Variants in ALAD observed in about 807,000 individuals in gnomAD.
ALAD encodes the protein aminolevulinate dehydratase.
Under a neutral mutation model 44.4 loss-of-function variants are expected in ALAD, and 20 were observed. That is an observed-to-expected ratio of 0.45 (90% CI 0.32 to 0.65). The LOEUF (loss-of-function observed/expected upper bound fraction) is 0.65, where lower values mean the gene tolerates loss of function less well. ALAD is among the 30% of genes least tolerant of loss of function. The pLI is 0.05. For synonymous variants in ALAD, 156 were observed against 167.9 expected, an observed-to-expected ratio of 0.93 and a Z score of 0.55; for missense variants, 323 against 445.7, an observed-to-expected ratio of 0.72 and a Z score of 2.48.
intron 1 of ALAD, among the ~76,000 whole-genome samples, chr9:113,397,842 C>T (rs1374718421): frequency 6.6e-6 from 1 of 152,120 alleles, no homozygotes; most frequent in Non-Finnish European, 1.5e-5. Flanking sequence ...CCAGGCTGGT[C>T]TCAAACTCCT....
intron 11 of ALAD, among the ~76,000 whole-genome samples, chr9:113,388,566 G>T (rs573864037): frequency 1.3e-5 from 2 of 152,228 alleles, no homozygotes; most frequent in Non-Finnish European, 2.9e-5. Context: ...GTTTACCAAA[G>T]AATAAAATGC....
At chr9:113,390,150 T>C (rs1265254899) in intron 7 of ALAD, among the ~76,000 whole-genome samples, 1 of 152,098 alleles carries the variant, frequency 6.6e-6, no homozygotes, top group Non-Finnish European at 1.5e-5. Flanking sequence ...GCCTCCCCAG[T>C]AGCTGGGATT....
intron 10 of ALAD, 53 bp downstream of exon 10, chr9:113,389,385 G>A (rs1827504342): frequency 1.3e-6 from 2 of 1,592,252 alleles, no homozygotes; most frequent in Non-Finnish European, 8.6e-7. Flanking sequence ...CAGAGTCTGT[G>A]GAAAACTCTG....
intron 1 of ALAD, among the ~76,000 whole-genome samples, chr9:113,400,199 T>G (rs1246916235): frequency 6.6e-6 from 1 of 152,092 alleles, no homozygotes; most frequent in Non-Finnish European, 1.5e-5. Context: ...CAGAGAGGGG[T>G]AGACACAGGC....
In ALAD at chr9:113,388,903, C is replaced by A. The variant is rs758754277; in HGVS notation, c.931+74G>T. ...ATAAGATCCCAAGCTCTCAGGACGT[C>A]GTTCCCCAATCTAGGCAGAGTGCTT... On this transcript the variant is annotated intron_variant, in intron 11 of 11. Coordinates refer to ENST00000409155, the MANE Select transcript of ALAD (RefSeq NM_000031.6). 4 of 1,608,248 alleles carry A rather than the reference C, an allele frequency of 2.5e-6. No individual in the cohort carries two copies. In the African/African-American group the frequency reaches 4.0e-5, roughly 16 times the overall value.
intron 10 of ALAD, 35 bp downstream of exon 10, chr9:113,389,403 C>T: frequency 1.2e-6 from 2 of 1,608,866 alleles, no homozygotes; most frequent in Non-Finnish European, 1.7e-6. Context: ...CTGTCCCAGC[C>T]CCCTGAGCCC....
In ALAD at chr9:113,393,600, C is replaced by A. The variant is rs1426570739; in HGVS notation, c.-41G>T. On this transcript the variant is annotated 5_prime_UTR_variant, in exon 2 of 12. Transcript: ENST00000409155. ...GCACAGGGGCATCAGTTGGTTGGAA[C>A]CGAGGGCTCCTGGGGCATTGGCTGC... The A allele has an allele frequency of 1.3e-6, 2 of 1,546,990 alleles. No homozygotes were observed. Among genetic ancestry groups the A allele is most frequent in the Non-Finnish European group, 1.8e-6 (2 of 1,120,910 alleles).
At chr9:113,398,686 C>G (rs1283041881) in intron 1 of ALAD, among the ~76,000 whole-genome samples, 4 of 152,192 alleles carry the variant, frequency 2.6e-5, no homozygotes, top group African/African-American at 9.7e-5. Flanking sequence ...TATAAAGAGG[C>G]AACGGGACTT....
chr9:113,390,632 G>A lies in ALAD; in HGVS notation c.442C>T (p.Gln148Ter). 6.2e-7 allele frequency: 1 copy of A among 1,614,174 alleles called. No individual in the cohort carries two copies. The highest frequency in any genetic ancestry group is 1.7e-5 in the Admixed American group (1 of 60,024). The stretch of plus-strand genomic sequence containing the variant: ...GCCAATGCCACCTCAGCCAGCCGCT[G>A]GCGGCTCTCCTCAGCCCGGAATGCT... ...NGAFRAEESR[Q>*]RLAEVALAYA... is the part of the protein sequence containing the mutation. Residue 148 changes from glutamine (Q) to a stop codon, truncating the protein, a stop_gained, in exon 6 of 12, where the codon CAG becomes TAG. Transcript: ENST00000409155. LOFTEE classifies it high-confidence loss of function.
intron 4 of ALAD, 88 bp from the exon 5 acceptor site, chr9:113,391,021 C>T: frequency 3.3e-6 from 5 of 1,523,846 alleles, no homozygotes; most frequent in Non-Finnish European, 4.5e-6. Flanking sequence ...ATAGCCCTGG[C>T]CTTCTCCTTC....
At chr9:113,388,496 G>A (rs1335928233) in intron 11 of ALAD, 135 bp from the exon 12 acceptor site, 23 of 799,884 alleles carry the variant, frequency 2.9e-5, no homozygotes, top group South Asian at 2.7e-4. Flanking sequence ...CACATGAGAC[G>A]GAGCCCAGCT....
In ALAD at chr9:113,395,970, G is replaced by A. The variant is rs566193582; in HGVS notation, c.-75-2336C>T. On this transcript the variant is annotated intron_variant, in intron 1 of 11. Transcript: ENST00000409155. ...GCACTTTGGGAGGCCGAGGTGGGTGGATCACTTGAGGTCAGGAGTTTGAGA... is the reference window on the plus strand; with the variant it reads ...GCACTTTGGGAGGCCGAGGTGGGTGAATCACTTGAGGTCAGGAGTTTGAGA... Among the ~76,000 whole-genome samples the A allele has an allele frequency of 1.0e-3, 154 of 152,246 alleles. 1 individual carries two copies. Among genetic ancestry groups the A allele is most frequent in the Middle Eastern group, 3.4e-3 (1 of 294 alleles).
intron 9 of ALAD, 28 bp from the exon 10 acceptor site, chr9:113,389,552 G>C: frequency 6.2e-7 from 1 of 1,614,086 alleles, no homozygotes; most frequent in Non-Finnish European, 8.5e-7. Flanking sequence ...AATGTGGGTG[G>C]TGCCTAGGAG....
chr9:113,400,990 G>A (rs540228759), intron 1 of ALAD, among the ~76,000 whole-genome samples: 1 of 152,274 alleles, frequency 6.6e-6, no homozygotes, highest in East Asian at 1.9e-4. Flanking sequence ...GTGAACCCCA[G>A]AGAAGAGGTG....
rs1827601689 is a variant in ALAD, at chr9:113,392,100, C to T, written c.164+19G>A. ...TCTCCCTCCACCACCCGCTGGCCCC[C>T]CAACTCCACGTCTCCTACCTGGCCA... On this transcript the variant is annotated intron_variant, in intron 3 of 11. Transcript: ENST00000409155. 1.2e-6 allele frequency: 2 copies of T among 1,600,866 alleles called. No individual in the cohort carries two copies. The highest frequency in any genetic ancestry group is 4.5e-5 in the East Asian group (2 of 44,356).
chr9:113,395,027 C>T (rs1001573414), intron 1 of ALAD, among the ~76,000 whole-genome samples: 2 of 151,884 alleles, frequency 1.3e-5, no homozygotes, highest in Non-Finnish European at 2.9e-5. Flanking sequence ...TTCACTCCAG[C>T]CTGGGCGACA....
intron 1 of ALAD, among the ~76,000 whole-genome samples, chr9:113,400,137 GTCT>G (rs1827819842): frequency 6.6e-6 from 1 of 152,154 alleles, no homozygotes; most frequent in South Asian, 2.1e-4. Context: ...TTGGCTAAGA[GTCT>G]TCTTAAAGTT....
In ALAD at chr9:113,393,437, G is replaced by A; in HGVS notation, c.113+10C>T. On this transcript the variant is annotated intron_variant, in intron 2 of 11. Transcript: ENST00000409155. ...CAGAGCAGAGGCCTGGCCCATTCTT[G>A]GAGACTCACGTGACAAAGATGGGGT... The A allele has an allele frequency of 6.6e-7, 1 of 1,520,902 alleles. No homozygotes were observed. 94.2% of individuals were successfully genotyped at this position (1,520,902 alleles called of 1,614,324 possible).
At chr9:113,393,238 A>G in intron 2 of ALAD, 1 of 608,604 alleles carries the variant, frequency 1.6e-6, no homozygotes, top group Non-Finnish European at 2.9e-6. Flanking sequence ...TAATTTTCCA[A>G]ATGGGATGAA....
Sources: gnomAD v4.1 joint callset for allele counts (sites outside exome capture counted in the v4.1 genomes callset) on GRCh38, gnomAD v4.1.1 for gene constraint, MANE v1.5 for transcripts, NCBI Gene and HGNC (gene_info 2026-07-23, HGNC 2026-07-21) for gene names.